Variants in RBFOX1 observed in about 807,000 individuals in gnomAD.
The protein encoded by RBFOX1 is RNA binding fox-1 homolog 1, also known as RNA binding protein fox-1 homolog 1.
Under a neutral mutation model 57.7 loss-of-function variants are expected in RBFOX1, and 8 were observed. The observed-to-expected ratio is 0.14, with a 90% confidence interval of 0.08 to 0.25. RBFOX1 has a LOEUF of 0.25. RBFOX1 is among the 10% of genes least tolerant of loss of function. The pLI, the probability that RBFOX1 is intolerant of heterozygous loss-of-function variation, is 1.00. For synonymous variants in RBFOX1, 326 were observed against 222.4 expected, an observed-to-expected ratio of 1.47 and a Z score of -4.15; for missense variants, 611 against 548.5, an observed-to-expected ratio of 1.11 and a Z score of -1.14.
chr16:6,133,703 C>A (rs1474240808), intron 1 of RBFOX1, among the ~76,000 whole-genome samples: 1 of 152,302 alleles, frequency 6.6e-6, no homozygotes, highest in Non-Finnish European at 1.5e-5. Flanking sequence ...TCTCTGCATC[C>A]TCACCTTGCT....
chr16:7,268,629 A>C (rs1189089841), intron 4 of RBFOX1, among the ~76,000 whole-genome samples: 1 of 152,144 alleles, frequency 6.6e-6, no homozygotes, highest in Non-Finnish European at 1.5e-5. Flanking sequence ...TGATTATTGT[A>C]AGTTCTTTTA....
chr16:5,343,278 A>G (rs371707173), intron 1 of RBFOX1, among the ~76,000 whole-genome samples: 1 of 151,130 alleles, frequency 6.6e-6, no homozygotes, highest in African/African-American at 2.4e-5. Context: ...CATTTCCTTT[A>G]AAACTTTCAC....
At chr16:5,721,139 A>C (rs1291971891) in intron 3 of RBFOX1, among the ~76,000 whole-genome samples, 1 of 152,180 alleles carries the variant, frequency 6.6e-6, no homozygotes, top group Admixed American at 6.5e-5. Flanking sequence ...GAAATTTTAC[A>C]TTTCCTGTTT....
intron 3 of RBFOX1, among the ~76,000 whole-genome samples, chr16:6,811,731 A>G (rs747347579): frequency 3.9e-5 from 6 of 152,094 alleles, no homozygotes; most frequent in Non-Finnish European, 7.4e-5. Context: ...CTCTTCAAAA[A>G]TACAGAAATT....
intron 4 of RBFOX1, among the ~76,000 whole-genome samples, chr16:7,314,531 G>T (rs1031937318): frequency 1.4e-4 from 21 of 152,322 alleles, no homozygotes; most frequent in African/African-American, 4.6e-4. Flanking sequence ...TGTAAAGAAT[G>T]AATGAAGAAC....
chr16:6,981,036 C>T (rs1329183641), intron 3 of RBFOX1, among the ~76,000 whole-genome samples: 2 of 33,804 alleles, frequency 5.9e-5, no homozygotes, highest in East Asian at 2.3e-3. Context: ...GAGCAAGTCT[C>T]AGTCTCAAAA....
intron 4 of RBFOX1, among the ~76,000 whole-genome samples, chr16:7,515,995 C>T (rs571322477): frequency 1.3e-5 from 2 of 152,216 alleles, no homozygotes; most frequent in South Asian, 2.1e-4. Flanking sequence ...CAGGCATGTG[C>T]CACCATGCCC....
intron 4 of RBFOX1, among the ~76,000 whole-genome samples, chr16:7,462,536 A>T (rs1010519376): frequency 1.3e-5 from 2 of 152,186 alleles, no homozygotes; most frequent in Non-Finnish European, 2.9e-5. Flanking sequence ...GTATTATCTC[A>T]CAGCTCTGTG....
intron 2 of RBFOX1, chr16:5,467,361 G>A: frequency 2.7e-6 from 3 of 1,106,462 alleles, no homozygotes; most frequent in Non-Finnish European, 3.9e-6. Context: ...GCCCAGGGCA[G>A]ACATCTGTAA....
intron 1 of RBFOX1, among the ~76,000 whole-genome samples, chr16:5,373,336 G>A (rs2065906325): frequency 2.6e-5 from 4 of 152,194 alleles, no homozygotes. Context: ...CCCTGATGTT[G>A]GAGGAGGGAC....
At chr16:7,700,643 G>C (rs146315188) in intron 14 of RBFOX1, among the ~76,000 whole-genome samples, 1 of 152,170 alleles carries the variant, frequency 6.6e-6, no homozygotes, top group South Asian at 2.1e-4. Flanking sequence ...CTAAGAGAAG[G>C]ATGGCCTTGA....
intron 1 of RBFOX1, among the ~76,000 whole-genome samples, chr16:5,372,528 C>G (rs1423406129): frequency 6.6e-6 from 1 of 152,168 alleles, no homozygotes; most frequent in African/African-American, 2.4e-5. Context: ...CCACGTGTGG[C>G]ACACAGGTTG....
chr16:7,198,994 G>T (rs945318789), intron 4 of RBFOX1, among the ~76,000 whole-genome samples: 1 of 152,176 alleles, frequency 6.6e-6, no homozygotes, highest in African/African-American at 2.4e-5. Context: ...ATCTGGGAAA[G>T]TAGAAAAGGA....
At chr16:5,370,718 C>G (rs542242125) in intron 1 of RBFOX1, among the ~76,000 whole-genome samples, 1 of 151,948 alleles carries the variant, frequency 6.6e-6, no homozygotes, top group Non-Finnish European at 1.5e-5. Context: ...ATCTTTAACA[C>G]CTAGACTCAA....
intron 1 of RBFOX1, among the ~76,000 whole-genome samples, chr16:6,207,644 A>G (rs1441294433): frequency 6.6e-6 from 1 of 152,094 alleles, no homozygotes; most frequent in African/African-American, 2.4e-5. Context: ...TGCCCTTCCC[A>G]TTTGATGTGC....
At chr16:6,443,402 C>A (rs555182490) in intron 2 of RBFOX1, among the ~76,000 whole-genome samples, 8 of 151,808 alleles carry the variant, frequency 5.3e-5, no homozygotes, top group African/African-American at 1.7e-4. Flanking sequence ...CCATCCCCCC[C>A]ATCCTGGCCA....
chr16:6,999,143 A>G (rs111543787), intron 3 of RBFOX1, among the ~76,000 whole-genome samples: 14,607 of 150,636 alleles, frequency 0.097, 2,376 homozygotes, highest in African/African-American at 0.33. Context: ...TACAGGGATT[A>G]CAGGTGTGAG....
intron 2 of RBFOX1, among the ~76,000 whole-genome samples, chr16:6,468,963 G>A (rs527842050): frequency 2.6e-5 from 4 of 151,856 alleles, no homozygotes; most frequent in African/African-American, 9.7e-5. Flanking sequence ...CCTCAGATAG[G>A]GCCCATTGTG....
At chr16:5,315,873 C>A (rs1163408665) in intron 1 of RBFOX1, among the ~76,000 whole-genome samples, 2 of 152,100 alleles carry the variant, frequency 1.3e-5, no homozygotes, top group African/African-American at 4.8e-5. Context: ...CACCCTGATG[C>A]CAGAGTATCA....
Sources: allele counts gnomAD v4.1 joint callset (sites outside exome capture counted in the v4.1 genomes callset), GRCh38; gene constraint gnomAD v4.1.1; transcripts MANE v1.5; gene names NCBI Gene and HGNC (gene_info 2026-07-23, HGNC 2026-07-21).